The following NME6 variants were observed in gnomAD, a reference collection of about 807,000 sequenced individuals.
The protein encoded by NME6 is nucleoside diphosphate kinase 6, mitochondrial.
A neutral mutation model predicts 22.2 loss-of-function variants in NME6; 16 were observed. The observed-to-expected ratio is 0.72, with a 90% CI of 0.49 to 1.09. NME6 has a LOEUF of 1.09. Ranked by LOEUF, NME6 falls within the 50% of genes least tolerant of loss-of-function variation. The pLI, the probability that NME6 is intolerant of heterozygous loss-of-function variation, is 0.00. For missense variants in NME6, 229 were observed against 239.0 expected (o/e 0.96, Z 0.28); for synonymous variants, 58 against 85.2 (o/e 0.68, Z 1.76).
At chr3:48,296,212 A>G (rs2035083320) in intron 3 of NME6, 54 bp from the exon 4 acceptor site, 32 of 1,612,468 alleles carry the variant, frequency 2.0e-5, no homozygotes, top group African/African-American at 4.0e-5. Flanking sequence ...GCCCAAGGCA[A>G]CTTTCTGTAC....
chr3:48,296,022 A>T, intron 4 of NME6, 97 bp downstream of exon 4: 1 of 925,990 alleles, frequency 1.1e-6, no homozygotes, highest in Non-Finnish European at 1.8e-6. Context: ...TGGCCTGATT[A>T]CAACTTTAAA....
At chr3:48,291,190 G>A (rs1481214006), downstream of NME6, 2 of 337,180 alleles carry the variant, frequency 5.9e-6, no homozygotes, top group Admixed American at 7.3e-5. Context: ...GTGGTAAGGT[G>A]GACCCAGCTG....
rs978322989 is a variant in NME6, at chr3:48,292,548, T to C, written c.*2089A>G. The C allele has an allele frequency of 5.9e-5, 9 of 152,172 alleles. No individual in the cohort carries two copies. Among genetic ancestry groups the C allele is most frequent in the African/African-American group, 2.2e-4 (9 of 41,430 alleles). 9.4% of individuals were successfully genotyped at this position (152,172 alleles called of 1,614,324 possible). On this transcript the variant is annotated 3_prime_UTR_variant, in exon 6 of 6. Coordinates refer to ENST00000442597, the MANE Select transcript of NME6 (RefSeq NM_001308426.2). ...TTGACAGATTTTGTTCCAGACTATT[T>C]CAAGGATTTTTTTTTTCTTGAGATG...
chr3:48,298,519 C>A lies in NME6; in HGVS notation c.-3G>T. On this transcript the variant is annotated 5_prime_UTR_variant, in exon 2 of 6. Coordinates refer to ENST00000442597, the MANE Select transcript of NME6 (RefSeq NM_001308426.2). ...GGGCTTCGCAAGATTGAGGCCATCT[C>A]ACTCCTGCCATTAGAGAGCTGTATT... 1 of 1,597,996 alleles carries A rather than the reference C, an allele frequency of 6.3e-7. No individual in the cohort carries two copies. The highest frequency in any genetic ancestry group is 1.7e-5 in the Admixed American group (1 of 57,510).
chr3:48,289,538 T>TTTCAGAC (rs1182814148), downstream of NME6, among the ~76,000 whole-genome samples: 1 of 152,130 alleles, frequency 6.6e-6, no homozygotes, highest in Non-Finnish European at 1.5e-5. Flanking sequence ...CGGAGAATGA[T>TTTCAGAC]TTCAGACATG....
rs1210073085 is a variant in NME6 at position 48,295,195 on chromosome 3, T to C, written c.274A>G (p.Ile92Val). The C allele has an allele frequency of 1.2e-6, 2 of 1,613,966 alleles. No individual in the cohort carries two copies. The highest frequency in any genetic ancestry group is 4.5e-5 in the East Asian group (2 of 44,884). Residue 92 changes from isoleucine to valine, a missense_variant, in exon 5 of 6, where the codon ATC (isoleucine) becomes GTC (valine). Coordinates refer to ENST00000442597, the MANE Select transcript of NME6 (RefSeq NM_001308426.2). ...CCCATGAGCGTCCTCCAGAGCTGGA[T>C]GGCATCCTTGTGGGCAAGGATGTAG... ...RAYILAHKDA[I>V]QLWRTLMGPT...
chr3:48,301,161 G>A (rs2107043085), intron 1 of NME6, 192 bp downstream of exon 1: 3 of 1,128,690 alleles, frequency 2.7e-6, no homozygotes, highest in Admixed American at 2.8e-5. Flanking sequence ...GCGCGGCCGG[G>A]ACCTGCGCCC....
At chr3:48,295,645 G>GT in intron 4 of NME6, 1 of 240,062 alleles carries the variant, frequency 4.2e-6, no homozygotes, top group Non-Finnish European at 8.1e-6. Context: ...GAATTCAAGT[G>GT]ATTCTCCTGC....
chr3:48,294,653 C>A lies in NME6; in HGVS notation c.545G>T (p.Gly182Val). 6.2e-7 allele frequency: 1 copy of A among 1,613,896 alleles called. No homozygotes were observed. Among genetic ancestry groups the A allele is most frequent in the South Asian group, 1.1e-5 (1 of 91,076 alleles). ...AGACCTGCATCAGGCTGGTCCTAGG[C>A]CTCCTGTTCCAGCTACATAGTGGAC... ...GGVHYVAGTGGLGPA is the reference protein window; with the variant it reads ...GGVHYVAGTGVLGPA The change falls in exon 6 of 6, where the codon GGC becomes GTC. Residue 182 changes from glycine to valine, a missense_variant. By Grantham distance (109) the Gly-to-Val change is moderately radical. Transcript: ENST00000442597.
In NME6 at chr3:48,296,168, G is replaced by A. The variant is rs1163311635; in HGVS notation, c.194-10C>T. ...TGATAGAAAAAACGCCCTGCAAAGA[G>A]AGAGGACCTTCATCAAGATACCTTC... is the stretch of plus-strand genomic sequence containing the variant. On this transcript the variant is annotated splice_polypyrimidine_tract_variant and intron_variant, in intron 3 of 5. Transcript: ENST00000442597. 6.2e-7 allele frequency: 1 copy of A among 1,614,202 alleles called. No homozygotes were observed.
intron 4 of NME6, chr3:48,295,705 C>T: frequency 4.0e-6 from 1 of 252,596 alleles, no homozygotes; most frequent in Non-Finnish European, 7.6e-6. Context: ...CCATGCCTGG[C>T]TAATTTTTTG....
chr3:48,295,844 T>A, intron 4 of NME6: 1 of 485,800 alleles, frequency 2.1e-6, no homozygotes, highest in Non-Finnish European at 3.7e-6. Flanking sequence ...GCCTCCCGAG[T>A]AGCTGGGATT....
At position 48,296,809 on chromosome 3, in the gene NME6, T is replaced by C; in HGVS notation, c.111A>G (p.Leu37=). The C allele has an allele frequency of 6.2e-7, 1 of 1,613,316 alleles. No homozygotes were observed. The highest frequency in any genetic ancestry group is 8.5e-7 in the Non-Finnish European group (1 of 1,179,636). The change falls in exon 3 of 6, where the codon CTA becomes CTG. Residue 37 remains leucine (L), a synonymous_variant. Transcript: ENST00000442597. ...LILEAVHQQI[L]SNKFLIVRMR... Reference sequence around the variant, plus strand: ...TTCGTACAATCAGGAACTTGTTGCTTAGAATCTGCTGATGAACAGCCTGAA... The same window carrying C: ...TTCGTACAATCAGGAACTTGTTGCTCAGAATCTGCTGATGAACAGCCTGAA...
rs1374726893 is a variant in NME6 at position 48,298,509 on chromosome 3, G to C, written c.8C>G (p.Ser3Ter). MA[S>*]ILRSPQALQL... ...GAGAGCCTGAGGGCTTCGCAAGATT[G>C]AGGCCATCTCACTCCTGCCATTAGA... Residue 3 changes from serine to a stop codon, truncating the protein, a stop_gained, in exon 2 of 6, where the codon TCA (serine) becomes TGA (stop). Coordinates refer to ENST00000442597, the MANE Select transcript of NME6 (RefSeq NM_001308426.2). LOFTEE classifies it high-confidence loss of function. 6.2e-7 allele frequency: 1 copy of C among 1,605,508 alleles called. No individual in the cohort carries two copies. The highest frequency in any genetic ancestry group is 8.5e-7 in the Non-Finnish European group (1 of 1,176,172).
downstream of NME6, chr3:48,291,347 G>T: frequency 2.1e-6 from 1 of 474,094 alleles, no homozygotes; most frequent in African/African-American, 2.1e-5. Context: ...CATGGTCGCA[G>T]ACTTCCTTGT....
At position 48,293,102 on chromosome 3, in the gene NME6, A is replaced by T. The variant is rs909713057; in HGVS notation, c.*1535T>A. On this transcript the variant is annotated 3_prime_UTR_variant, in exon 6 of 6. Transcript: ENST00000442597. ...CATGAAGCTGGCTCCCTAACACAAG[A>T]AGTTGTTGAAAGTTCTACTCAGCTT... 6 of 152,178 alleles carry T rather than the reference A, an allele frequency of 3.9e-5. No individual in the cohort carries two copies. The highest frequency in any genetic ancestry group is 7.3e-5 in the Non-Finnish European group (5 of 68,044). 9.4% of individuals were successfully genotyped at this position (152,178 alleles called of 1,614,324 possible).
rs1395585995 is a variant in NME6, at chr3:48,293,726, C to A, written c.*911G>T. 6.6e-6 allele frequency: 1 copy of A among 152,252 alleles called. No homozygotes were observed. The highest frequency in any genetic ancestry group is 1.9e-4 in the East Asian group (1 of 5,200). 9.4% of individuals were successfully genotyped at this position (152,252 alleles called of 1,614,324 possible). ...TTATAGCTGGCTGACCACCCAAATTCATAATTAGCAACTTGAGGACCCAAT... is the reference window on the plus strand; with the variant it reads ...TTATAGCTGGCTGACCACCCAAATTAATAATTAGCAACTTGAGGACCCAAT... On this transcript the variant is annotated 3_prime_UTR_variant, in exon 6 of 6. Transcript: ENST00000442597.
chr3:48,294,900 C>T (rs2106931360), intron 5 of NME6, 97 bp from the exon 6 acceptor site: 6 of 1,432,530 alleles, frequency 4.2e-6, no homozygotes, highest in Middle Eastern at 1.8e-4. Context: ...ACTCTGCCTG[C>T]CCCTTCAGTC....
downstream of NME6, among the ~76,000 whole-genome samples, chr3:48,290,059 A>G (rs1229278627): frequency 6.6e-6 from 1 of 151,710 alleles, no homozygotes; most frequent in Non-Finnish European, 1.5e-5. Context: ...AACAAATACA[A>G]TGGTTTTTTG....
Sources: allele counts gnomAD v4.1 joint callset (sites outside exome capture counted in the v4.1 genomes callset), GRCh38; gene constraint gnomAD v4.1.1; transcripts MANE v1.5; gene names NCBI Gene and HGNC (gene_info 2026-07-23, HGNC 2026-07-21).